Variants in CCDC40 observed in about 807,000 individuals in gnomAD.
CCDC40 encodes coiled-coil domain-containing protein 40.
Under a neutral mutation model 124.5 loss-of-function variants are expected in CCDC40, and 104 were observed. The ratio of observed to expected loss-of-function variants is 0.84; its 90% CI spans 0.71 to 0.98. The LOEUF is 0.98. Ranked by LOEUF, CCDC40 falls within the 50% of genes least tolerant of loss-of-function variation. CCDC40 has a pLI of 0.00. For synonymous variants in CCDC40, 580 were observed against 602.9 expected, an observed-to-expected ratio of 0.96 and a Z score of 0.56; for missense variants, 1,463 against 1,503.9, an observed-to-expected ratio of 0.97 and a Z score of 0.45.
In CCDC40 at chr17:80,045,394, G is replaced by A. The variant is rs184084744; in HGVS notation, c.553-1885G>A. ...TCAGCGATAATTATTGTCAATAGTC[G>A]TAACTGCAAAAGTCTCTTTTAAAGC... is the stretch of plus-strand genomic sequence containing the variant. On this transcript the variant is annotated intron_variant, in intron 3 of 19. Transcript: ENST00000397545. Among the ~76,000 whole-genome samples, 489 of 152,238 alleles carry A rather than the reference G, an allele frequency of 3.2e-3. 3 individuals carry two copies. The highest frequency in any genetic ancestry group is 0.02 in the Middle Eastern group (6 of 294).
At position 80,067,566 on chromosome 17, in the gene CCDC40, A is replaced by G. The variant is rs11867810; in HGVS notation, c.1562+1960A>G. The G allele has an allele frequency of 0.021, 32,613 of 1,534,722 alleles. 3,999 individuals are homozygous for G. The African/African-American group carries it at 0.32, about 15-fold the overall frequency. ...CACCGCTCGTTCCCGCCTTTCTACCACATGGCATTCCGCTGGGATACTTCT... is the reference window on the plus strand; with the variant it reads ...CACCGCTCGTTCCCGCCTTTCTACCGCATGGCATTCCGCTGGGATACTTCT... On this transcript the variant is annotated intron_variant, in intron 10 of 19. Transcript: ENST00000397545.
In CCDC40 at chr17:80,095,430, G is replaced by GA. The variant is rs1278589861; in HGVS notation, c.3004dup (p.Ile1002AsnfsTer10). 3 of 1,614,080 alleles carry GA rather than the reference G, an allele frequency of 1.9e-6. No individual in the cohort carries two copies. Among genetic ancestry groups the GA allele is most frequent in the African/African-American group, 2.7e-5 (2 of 74,952 alleles). On this transcript the variant is annotated frameshift_variant, in exon 18 of 20. Coordinates refer to ENST00000397545, the MANE Select transcript of CCDC40 (RefSeq NM_017950.4). LOFTEE classifies it high-confidence loss of function. ...ACCACAAGCAGCTTGAGCTGCGCCG[G>GA]AAAATCAGGGACGTTCGCAAGGTAG...
intron 2 of CCDC40, 85 bp from the exon 3 acceptor site, chr17:80,039,727 T>C (rs910138427): frequency 1.3e-6 from 2 of 1,519,342 alleles, no homozygotes; most frequent in African/African-American, 1.4e-5. Context: ...GTTTTCCCAT[T>C]GATATAATTA....
At chr17:80,049,793 C>T (rs1473820374) in intron 5 of CCDC40, 113 bp from the exon 6 acceptor site, 13 of 827,104 alleles carry the variant, frequency 1.6e-5, no homozygotes, top group African/African-American at 3.4e-5. Context: ...GCACTCCACA[C>T]GGAAGTCGTC....
At chr17:80,059,627 T>C (rs1445751742) in intron 9 of CCDC40, among the ~76,000 whole-genome samples, 1 of 151,204 alleles carries the variant, frequency 6.6e-6, no homozygotes, top group Non-Finnish European at 1.5e-5. Flanking sequence ...TGGCACAATC[T>C]CAGCTCACTG....
At chr17:80,078,932 C>CTTTT (rs529655342) in intron 10 of CCDC40, among the ~76,000 whole-genome samples, 5 of 131,678 alleles carry the variant, frequency 3.8e-5, no homozygotes, top group African/African-American at 8.4e-5. Flanking sequence ...GTATCAGTAT[C>CTTTT]TTTTTTTTTT....
rs1331804149 is a variant in CCDC40 at position 80,086,459 on chromosome 17, C to T, written c.2449+243C>T. On this transcript the variant is annotated intron_variant, in intron 14 of 19. Coordinates refer to ENST00000397545, the MANE Select transcript of CCDC40 (RefSeq NM_017950.4). The surrounding 1 kb of genome is among the most constrained non-coding windows in gnomAD (Gnocchi z 5.5). ...CACGAAATGGCTCCAAGCTCACGGACTTCAGAGCTCTCCTTGAGAGAGGAG... is the reference window on the plus strand; with the variant it reads ...CACGAAATGGCTCCAAGCTCACGGATTTCAGAGCTCTCCTTGAGAGAGGAG... 1 of 498,672 alleles carries T rather than the reference C, an allele frequency of 2.0e-6. No homozygotes were observed. Among genetic ancestry groups the T allele is most frequent in the South Asian group, 2.0e-5 (1 of 49,600 alleles). 30.9% of individuals were successfully genotyped at this position (498,672 alleles called of 1,614,324 possible). A position where few individuals can be genotyped will look rare whatever the true frequency, so the allele number is the denominator to read the frequency against.
chr17:80,049,409 C>CAA lies in CCDC40; in HGVS notation c.856-479_856-478dup, dbSNP rs34096428. On this transcript the variant is annotated intron_variant, in intron 5 of 19. Transcript: ENST00000397545. ...GGGCAATAAGAGCGAAACTCTGTCT[C>CAA]AAAAAAAAAAAAAAAAAAATGTCTC... Among the ~76,000 whole-genome samples the CAA allele has an allele frequency of 5.4e-3, 611 of 112,724 alleles. 7 individuals carry two copies. Among genetic ancestry groups the CAA allele is most frequent in the African/African-American group, 0.017 (487 of 28,076 alleles). 74.0% of individuals were successfully genotyped at this position (112,724 alleles called of 152,430 possible).
chr17:80,084,522 T>C, intron 12 of CCDC40, among the ~76,000 whole-genome samples: 1 of 152,168 alleles, frequency 6.6e-6, no homozygotes, highest in East Asian at 1.9e-4. Context: ...GCTAATACCA[T>C]GATCTCTCTT....
At chr17:80,095,200 C>A in intron 17 of CCDC40, 63 bp from the exon 18 acceptor site, 1 of 1,523,100 alleles carries the variant, frequency 6.6e-7, no homozygotes, top group Non-Finnish European at 9.1e-7. Flanking sequence ...GCGCCCCGGC[C>A]ACTCTCTCTG....
Position 80,087,980 on chromosome 17 carries a change from C to T in CCDC40, c.2620-31C>T. 6.5e-7 allele frequency: 1 copy of T among 1,533,140 alleles called. No individual in the cohort carries two copies. Among genetic ancestry groups the T allele is most frequent in the Non-Finnish European group, 9.0e-7 (1 of 1,106,426 alleles). The allele number at this position is 1,533,140 out of a possible 1,614,324, so 95.0% of individuals were successfully genotyped here. On this transcript the variant is annotated intron_variant, in intron 15 of 19. Transcript: ENST00000397545. The surrounding 1 kb of genome is among the most constrained non-coding windows in gnomAD (Gnocchi z 4.5). ...GGCATCCACAATCCCATGGCCCTCC[C>T]CACAGCTGTCCCGCCCCCTCCCCCA...
chr17:80,051,849 C>T (rs895773265), intron 7 of CCDC40, among the ~76,000 whole-genome samples: 4 of 152,328 alleles, frequency 2.6e-5, no homozygotes, highest in East Asian at 1.9e-4. Context: ...TGGTGTGGAG[C>T]GCCCTCCGGC....
chr17:80,037,313 C>T (rs2037104768), intron 1 of CCDC40, among the ~76,000 whole-genome samples: 2 of 152,192 alleles, frequency 1.3e-5, no homozygotes, highest in African/African-American at 4.8e-5. Flanking sequence ...GCCACCGGGC[C>T]TCTGCTCGCT....
At chr17:80,057,285 A>C (rs1419286601) in intron 7 of CCDC40, among the ~76,000 whole-genome samples, 1 of 151,672 alleles carries the variant, frequency 6.6e-6, no homozygotes, top group Non-Finnish European at 1.5e-5. Context: ...ACAGGGTTTC[A>C]CCATGTTGGC....
In CCDC40 at chr17:80,087,918, C is replaced by A; in HGVS notation, c.2620-93C>A. ...GGGGTATTAGAAATCCAGCCTGCAG[C>A]CCTGCCCTCGGTGCCGGGATAGAGG... is the stretch of plus-strand genomic sequence containing the variant. On this transcript the variant is annotated intron_variant, in intron 15 of 19. Coordinates refer to ENST00000397545, the MANE Select transcript of CCDC40 (RefSeq NM_017950.4). The surrounding 1 kb of genome is among the most constrained non-coding windows in gnomAD (Gnocchi z 4.5). 1 of 1,291,614 alleles carries A rather than the reference C, an allele frequency of 7.7e-7. No homozygotes were observed. 80.0% of individuals were successfully genotyped at this position (1,291,614 alleles called of 1,614,324 possible).
chr17:80,040,986 G>T (rs1323646322), intron 3 of CCDC40, among the ~76,000 whole-genome samples: 3 of 152,216 alleles, frequency 2.0e-5, no homozygotes, highest in Non-Finnish European at 4.4e-5. Flanking sequence ...GCCAGTGGCT[G>T]CCATAATGAA....
chr17:80,043,442 A>T (rs2037332111), intron 3 of CCDC40, among the ~76,000 whole-genome samples: 1 of 151,958 alleles, frequency 6.6e-6, no homozygotes, highest in Non-Finnish European at 1.5e-5. Flanking sequence ...CCCCACATTT[A>T]TACATACACC....
intron 9 of CCDC40, among the ~76,000 whole-genome samples, chr17:80,059,232 G>A (rs983334507): frequency 6.6e-6 from 1 of 152,162 alleles, no homozygotes; most frequent in African/African-American, 2.4e-5. Context: ...TACTCTAGTC[G>A]CTTCATGACC....
chr17:80,087,872 C>A lies in CCDC40; in HGVS notation c.2619+96C>A. The A allele has an allele frequency of 7.5e-7, 1 of 1,342,196 alleles. No homozygotes were observed. 83.1% of individuals were successfully genotyped at this position (1,342,196 alleles called of 1,614,324 possible). ...GTTCTGCACCAGGATGTAATTTCCA[C>A]ACCCGTTCAAGATGCTTGTAGGGGT... On this transcript the variant is annotated intron_variant, in intron 15 of 19. Coordinates refer to ENST00000397545, the MANE Select transcript of CCDC40 (RefSeq NM_017950.4). This position sits in a 1 kb window ranked among gnomAD's most constrained non-coding sequence, Gnocchi z 4.5.
Sources: gnomAD v4.1 joint callset for allele counts (sites outside exome capture counted in the v4.1 genomes callset) on GRCh38, gnomAD v4.1.1 for gene constraint, Gnocchi (gnomAD v3.1) non-coding constraint, MANE v1.5 for transcripts, NCBI Gene and HGNC (gene_info 2026-07-23, HGNC 2026-07-21) for gene names.